XKR6: variants seen among roughly 807,000 people sequenced by gnomAD.
XKR6 encodes the protein XK related 6.
A neutral mutation model predicts 56.7 loss-of-function variants in XKR6; 22 were observed. The observed-to-expected ratio is 0.39, with a 90% CI of 0.28 to 0.55. The LOEUF (loss-of-function observed/expected upper bound fraction) is 0.55. Among genes scored for constraint, XKR6 ranks in the 20% least tolerant of loss-of-function variants. XKR6 has a pLI of 0.66. For synonymous variants in XKR6, 524 were observed against 387.8 expected (o/e 1.35, Z -4.13); for missense variants, 852 against 889.0 (o/e 0.96, Z 0.53).
intron 1 of XKR6, among the ~76,000 whole-genome samples, chr8:11,163,308 T>C (rs551238970): frequency 2.6e-5 from 4 of 152,302 alleles, no homozygotes; most frequent in African/African-American, 9.6e-5. Context: ...CCCAGAAGAA[T>C]GTATTATCAA....
chr8:11,071,480 C>CTATGAG (rs1563117517), intron 1 of XKR6, among the ~76,000 whole-genome samples: 1,664 of 85,264 alleles, frequency 0.02, 118 homozygotes, highest in African/African-American at 0.082. Context: ...AGCCCCGAGT[C>CTATGAG]CATGAGCCCC....
At chr8:10,983,641 A>C (rs1352385909) in intron 1 of XKR6, among the ~76,000 whole-genome samples, 1 of 150,768 alleles carries the variant, frequency 6.6e-6, no homozygotes. Flanking sequence ...GAAAAAGAAA[A>C]GCTTACATAT....
intron 1 of XKR6, among the ~76,000 whole-genome samples, chr8:10,946,628 CT>C (rs1157166057): frequency 6.6e-6 from 1 of 152,042 alleles, no homozygotes; most frequent in Non-Finnish European, 1.5e-5. Context: ...CCTGAGCACT[CT>C]ACTGCAGTGA....
chr8:11,051,878 C>T (rs990528906), intron 1 of XKR6, among the ~76,000 whole-genome samples: 6 of 152,158 alleles, frequency 3.9e-5, no homozygotes, highest in Admixed American at 2.0e-4. Context: ...ACGTGCAGAA[C>T]GTGCAGGTTT....
chr8:11,120,683 C>G (rs1400350166), intron 1 of XKR6, among the ~76,000 whole-genome samples: 1 of 152,140 alleles, frequency 6.6e-6, no homozygotes, highest in African/African-American at 2.4e-5. Flanking sequence ...TTGGAAAAAA[C>G]TACTTTAAAG....
In XKR6 at chr8:11,023,985, G is replaced by T. The variant is rs371994002; in HGVS notation, c.765-99155C>A. On this transcript the variant is annotated intron_variant, in intron 1 of 2. Coordinates refer to ENST00000416569, the MANE Select transcript of XKR6 (RefSeq NM_173683.4). ...TTGTGGCTGCAGATGAGCTTAGGAA[G>T]GTCCTTGGATGTATTTCTTCACATG... Among the ~76,000 whole-genome samples, 12 of 152,294 alleles carry T rather than the reference G, an allele frequency of 7.9e-5. No homozygotes were observed. In the East Asian group the frequency reaches 2.1e-3, roughly 27 times the overall value.
chr8:11,192,725 C>A (rs1217489288), intron 1 of XKR6, among the ~76,000 whole-genome samples: 1 of 152,174 alleles, frequency 6.6e-6, no homozygotes, highest in Admixed American at 6.5e-5. Context: ...CAAAAATACA[C>A]ACTCCCTGGC....
intron 1 of XKR6, among the ~76,000 whole-genome samples, chr8:11,119,021 T>C (rs1799315254): frequency 1.3e-5 from 2 of 152,138 alleles, no homozygotes. Flanking sequence ...TTTGTTCTCG[T>C]TGGTTTCAAA....
chr8:10,928,234 T>C (rs1358015880), intron 1 of XKR6, among the ~76,000 whole-genome samples: 4 of 152,170 alleles, frequency 2.6e-5, no homozygotes, highest in African/African-American at 9.7e-5. Context: ...CCTGACCCCA[T>C]GACCTTGCTT....
intron 1 of XKR6, among the ~76,000 whole-genome samples, chr8:11,187,283 A>T (rs979325212): frequency 2.0e-5 from 3 of 152,218 alleles, no homozygotes; most frequent in African/African-American, 7.2e-5. Flanking sequence ...TATTGTAGAC[A>T]AGGGCCAACA....
Position 11,200,478 on chromosome 8 carries a change from C to A in XKR6, c.764+98G>T. 7.6e-7 allele frequency: 1 copy of A among 1,319,638 alleles called. No homozygotes were observed. The highest frequency in any genetic ancestry group is 9.6e-7 in the Non-Finnish European group (1 of 1,036,324). The allele number at this position is 1,319,638 out of a possible 1,614,324, so 81.7% of individuals were successfully genotyped here. On this transcript the variant is annotated intron_variant, in intron 1 of 2. Transcript: ENST00000416569. The surrounding 1 kb of genome is among the most constrained non-coding windows in gnomAD (Gnocchi z 6.4). Reference sequence around the variant, plus strand: ...GCGGCCGGTCCCTCCTTCGAGCCCCCCGCGCTGGGCCCTTTCGAGGGGCCG... The same window carrying A: ...GCGGCCGGTCCCTCCTTCGAGCCCCACGCGCTGGGCCCTTTCGAGGGGCCG...
chr8:10,969,497 G>A (rs575868591), intron 1 of XKR6, among the ~76,000 whole-genome samples: 1 of 152,312 alleles, frequency 6.6e-6, no homozygotes, highest in East Asian at 1.9e-4. Context: ...AACAGGACAT[G>A]GGAAATGTAG....
At chr8:10,932,875 G>A (rs1158466991) in intron 1 of XKR6, among the ~76,000 whole-genome samples, 13 of 138,580 alleles carry the variant, frequency 9.4e-5, no homozygotes, top group African/African-American at 3.4e-4. Context: ...GAATAATGCC[G>A]CAATAAACAT....
intron 1 of XKR6, among the ~76,000 whole-genome samples, chr8:11,089,723 G>C (rs1283068589): frequency 6.6e-6 from 1 of 152,110 alleles, no homozygotes; most frequent in East Asian, 1.9e-4. Flanking sequence ...ACTCAGCTTT[G>C]ACAAAATTTA....
intron 1 of XKR6, among the ~76,000 whole-genome samples, chr8:11,178,565 T>C (rs1466251149): frequency 1.4e-5 from 2 of 140,874 alleles, no homozygotes; most frequent in African/African-American, 5.3e-5. Flanking sequence ...TATATATATA[T>C]ATATATATGT....
At chr8:11,182,567 T>G (rs1255971353) in intron 1 of XKR6, among the ~76,000 whole-genome samples, 1 of 152,242 alleles carries the variant, frequency 6.6e-6, no homozygotes, top group African/African-American at 2.4e-5. Context: ...TGTGGATATA[T>G]TAGCAGTGGT....
intron 1 of XKR6, among the ~76,000 whole-genome samples, chr8:10,979,723 T>A (rs1563325169): frequency 6.6e-6 from 1 of 152,216 alleles, no homozygotes; most frequent in Non-Finnish European, 1.5e-5. Context: ...CAGCAGCTCC[T>A]GACCCTCTGT....
At chr8:11,108,464 C>G (rs1013310440) in intron 1 of XKR6, 1 of 414,140 alleles carries the variant, frequency 2.4e-6, no homozygotes, top group Non-Finnish European at 4.8e-6. Flanking sequence ...GAAATATGTT[C>G]ATTTAAAAAA....
chr8:11,166,852 GGCGTGA>G (rs1358953387), intron 1 of XKR6, among the ~76,000 whole-genome samples: 1 of 152,196 alleles, frequency 6.6e-6, no homozygotes, highest in Non-Finnish European at 1.5e-5. Context: ...TGAGATTACA[GGCGTGA>G]GCCACCGCAC....
Sources: allele counts gnomAD v4.1 joint callset (sites outside exome capture counted in the v4.1 genomes callset), GRCh38; gene constraint gnomAD v4.1.1; non-coding constraint Gnocchi (gnomAD v3.1); transcripts MANE v1.5; gene names NCBI Gene and HGNC (gene_info 2026-07-23, HGNC 2026-07-21).